The following RGS7 variants were observed in gnomAD, a reference collection of about 807,000 sequenced individuals.
RGS7 encodes regulator of G protein signaling 7, also known as regulator of G-protein signaling 7.
In RGS7, 27 loss-of-function variants were observed where a neutral mutation model predicts 81.1. That is an observed-to-expected ratio of 0.33 (90% CI 0.25 to 0.46). The LOEUF is 0.46. Among genes scored for constraint, RGS7 ranks in the 20% least tolerant of loss-of-function variants. RGS7 has a pLI of 1.00. For missense variants in RGS7, 396 were observed against 607.4 expected (o/e 0.65, Z 3.66); for synonymous variants, 208 against 207.7 (o/e 1.00, Z -0.01).
At chr1:241,280,379 T>C (rs2078434141) in intron 2 of RGS7, among the ~76,000 whole-genome samples, 1 of 152,196 alleles carries the variant, frequency 6.6e-6, no homozygotes, top group Non-Finnish European at 1.5e-5. Context: ...TCTCCAAAAC[T>C]ATGAGGCAAT....
intron 2 of RGS7, among the ~76,000 whole-genome samples, chr1:241,281,651 A>C (rs1232796313): frequency 6.6e-6 from 1 of 152,248 alleles, no homozygotes; most frequent in Admixed American, 6.5e-5. Context: ...TTGTAAACAG[A>C]CAACATAAAC....
chr1:241,294,837 C>A (rs1334911218), intron 2 of RGS7, among the ~76,000 whole-genome samples: 1 of 151,862 alleles, frequency 6.6e-6, no homozygotes, highest in African/African-American at 2.4e-5. Flanking sequence ...CAGGCTATAC[C>A]ATAAAGTCCA....
intron 3 of RGS7, among the ~76,000 whole-genome samples, chr1:241,027,752 GA>G (rs1388900840): frequency 6.6e-6 from 1 of 152,130 alleles, no homozygotes; most frequent in African/African-American, 2.4e-5. Flanking sequence ...AAGTATGGAG[GA>G]AAAACAGGTG....
At chr1:240,865,739 T>C (rs916791334) in intron 9 of RGS7, among the ~76,000 whole-genome samples, 2 of 152,198 alleles carry the variant, frequency 1.3e-5, no homozygotes, top group African/African-American at 2.4e-5. Context: ...TAGACATTCT[T>C]AGAAATTATC....
chr1:241,328,234 T>C (rs2081738042), intron 2 of RGS7, among the ~76,000 whole-genome samples: 1 of 152,254 alleles, frequency 6.6e-6, no homozygotes. Context: ...GGATTGTATT[T>C]GGAGTCAGGG....
intron 2 of RGS7, among the ~76,000 whole-genome samples, chr1:241,301,385 T>A (rs908512831): frequency 1.3e-5 from 2 of 152,202 alleles, no homozygotes; most frequent in Non-Finnish European, 2.9e-5. Context: ...CACTGAGGGG[T>A]TCAAATAGAA....
At chr1:241,007,803 TGA>T (rs1319143219) in intron 3 of RGS7, among the ~76,000 whole-genome samples, 5 of 152,142 alleles carry the variant, frequency 3.3e-5, no homozygotes, top group Non-Finnish European at 7.3e-5. Context: ...AAAGGTTTGC[TGA>T]GAGGTCCTGA....
intron 2 of RGS7, among the ~76,000 whole-genome samples, chr1:241,330,586 A>T (rs1394002941): frequency 6.6e-6 from 1 of 152,198 alleles, no homozygotes; most frequent in Non-Finnish European, 1.5e-5. Context: ...GAAAACACTC[A>T]TGCATTAACA....
chr1:241,335,642 A>C (rs1051907069), intron 2 of RGS7, among the ~76,000 whole-genome samples: 1 of 152,176 alleles, frequency 6.6e-6, no homozygotes, highest in Non-Finnish European at 1.5e-5. Flanking sequence ...GGAACACACA[A>C]AAATCACAAA....
chr1:240,930,648 A>G (rs1380546491), intron 6 of RGS7, 69 bp downstream of exon 6: 7 of 1,418,978 alleles, frequency 4.9e-6, no homozygotes, highest in Non-Finnish European at 6.0e-6. Flanking sequence ...AAAAAGCAAT[A>G]AAACGCAAGT....
chr1:241,091,937 C>T (rs2063914653), intron 3 of RGS7, among the ~76,000 whole-genome samples: 1 of 151,844 alleles, frequency 6.6e-6, no homozygotes, highest in Non-Finnish European at 1.5e-5. Flanking sequence ...ATCTCAAGGG[C>T]TCATTGAAAT....
intron 6 of RGS7, among the ~76,000 whole-genome samples, chr1:240,885,073 A>G (rs1558411297): frequency 6.6e-6 from 1 of 152,196 alleles, no homozygotes; most frequent in Non-Finnish European, 1.5e-5. Context: ...AAACAACTGC[A>G]TTAAAAGTGG....
intron 2 of RGS7, among the ~76,000 whole-genome samples, chr1:241,159,535 T>C (rs1399525979): frequency 2.0e-5 from 3 of 152,096 alleles, no homozygotes; most frequent in Non-Finnish European, 2.9e-5. Flanking sequence ...CTCACTAATT[T>C]ATCCCTTACT....
chr1:240,792,361 A>C (rs1262760031), intron 18 of RGS7, among the ~76,000 whole-genome samples: 3 of 152,186 alleles, frequency 2.0e-5, no homozygotes, highest in African/African-American at 7.2e-5. Flanking sequence ...CTGCAAACAC[A>C]TCCTCCTATC....
chr1:241,161,048 C>G (rs896526189), intron 2 of RGS7, among the ~76,000 whole-genome samples: 3 of 131,546 alleles, frequency 2.3e-5, no homozygotes, highest in African/African-American at 1.0e-4. Context: ...AACCTAATAA[C>G]ACCCAAACCA....
At chr1:241,292,078 A>G (rs999170315) in intron 2 of RGS7, among the ~76,000 whole-genome samples, 4 of 152,036 alleles carry the variant, frequency 2.6e-5, no homozygotes, top group African/African-American at 9.7e-5. Flanking sequence ...TTCCACCTCC[A>G]TGTCTTGTCC....
intron 2 of RGS7, among the ~76,000 whole-genome samples, chr1:241,105,070 G>C (rs976573039): frequency 3.0e-4 from 46 of 152,312 alleles, no homozygotes; most frequent in African/African-American, 1.0e-3. Flanking sequence ...GTGACACAGA[G>C]TAGCTCAGCG....
intron 2 of RGS7, among the ~76,000 whole-genome samples, chr1:241,226,756 C>A (rs2075331965): frequency 6.6e-6 from 1 of 152,160 alleles, no homozygotes; most frequent in African/African-American, 2.4e-5. Flanking sequence ...CAAAAGGAAG[C>A]CATTGCCACC....
At chr1:241,243,070 T>C (rs1197497390) in intron 2 of RGS7, among the ~76,000 whole-genome samples, 1 of 152,192 alleles carries the variant, frequency 6.6e-6, no homozygotes, top group Non-Finnish European at 1.5e-5. Context: ...CCCACTCTTA[T>C]CCCCAACCCA....
Sources: gnomAD v4.1 joint callset for allele counts (sites outside exome capture counted in the v4.1 genomes callset) on GRCh38, gnomAD v4.1.1 for gene constraint, MANE v1.5 for transcripts, NCBI Gene and HGNC (gene_info 2026-07-23, HGNC 2026-07-21) for gene names.